PAM: variants seen among roughly 807,000 people sequenced by gnomAD.
The protein encoded by PAM is peptidyl-glycine alpha-amidating monooxygenase.
PAM carries 72 observed loss-of-function variants against 122.1 expected under a neutral mutation model. The ratio of observed to expected loss-of-function variants is 0.59; its 90% CI spans 0.49 to 0.72. The LOEUF (loss-of-function observed/expected upper bound fraction) is 0.72, where lower values mean the gene tolerates loss of function less well. Ranked by LOEUF, PAM falls within the 30% of genes least tolerant of loss-of-function variation. PAM has a pLI of 0.00. For synonymous variants in PAM, 389 were observed against 404.4 expected (o/e 0.96, Z 0.46); for missense variants, 1,106 against 1,183.7 (o/e 0.93, Z 0.96).
intron 14 of PAM, among the ~76,000 whole-genome samples, chr5:102,972,823 G>A (rs1766303110): frequency 6.6e-6 from 1 of 152,048 alleles, no homozygotes; most frequent in Non-Finnish European, 1.5e-5. Flanking sequence ...CCTATTACTT[G>A]GTAATTATTT....
chr5:102,963,295 CAT>C (rs1254616044), intron 14 of PAM, among the ~76,000 whole-genome samples: 1 of 151,940 alleles, frequency 6.6e-6, no homozygotes, highest in South Asian at 2.1e-4. Context: ...CCTTACAACA[CAT>C]AGGGCAAATC....
intron 3 of PAM, among the ~76,000 whole-genome samples, chr5:102,882,053 AT>A (rs1791337556): frequency 3.4e-3 from 3 of 878 alleles, no homozygotes; most frequent in East Asian, 0.015. Flanking sequence ...CCATCGTGGA[AT>A]ATATATATAT....
intron 5 of PAM, among the ~76,000 whole-genome samples, chr5:102,916,078 A>G (rs1278657229): frequency 6.6e-6 from 1 of 152,196 alleles, no homozygotes; most frequent in Non-Finnish European, 1.5e-5. Context: ...AGAAGGAAAG[A>G]GCAGTGAACT....
intron 1 of PAM, among the ~76,000 whole-genome samples, chr5:102,795,574 G>A (rs546593864): frequency 6.6e-6 from 1 of 152,102 alleles, no homozygotes. Context: ...TTTCTTAATG[G>A]CTACCCTTTT....
At chr5:102,883,002 T>C (rs1400130097) in intron 3 of PAM, among the ~76,000 whole-genome samples, 1 of 151,896 alleles carries the variant, frequency 6.6e-6, no homozygotes, top group African/African-American at 2.4e-5. Context: ...TGTTTTTTTT[T>C]GCTTTGTCGA....
At chr5:102,934,390 A>G (rs1032396788) in intron 7 of PAM, among the ~76,000 whole-genome samples, 3 of 152,168 alleles carry the variant, frequency 2.0e-5, no homozygotes, top group Non-Finnish European at 4.4e-5. Flanking sequence ...TTGCGTTTCC[A>G]AGTTCTCAGC....
intron 1 of PAM, among the ~76,000 whole-genome samples, chr5:102,855,926 C>T (rs180738188): frequency 3.3e-5 from 5 of 152,032 alleles, no homozygotes; most frequent in Admixed American, 2.6e-4. Context: ...ACAAAAGAAG[C>T]AGTACAAAGC....
chr5:102,974,461 A>G, intron 15 of PAM, 25 bp downstream of exon 15: 1 of 1,526,246 alleles, frequency 6.6e-7, no homozygotes, highest in Non-Finnish European at 8.9e-7. Flanking sequence ...TCTTTTAAGC[A>G]GTAAAGTGTG....
At chr5:102,970,258 T>C (rs1441908035) in intron 14 of PAM, among the ~76,000 whole-genome samples, 1 of 152,224 alleles carries the variant, frequency 6.6e-6, no homozygotes, top group African/African-American at 2.4e-5. Context: ...ATGTTTTGAA[T>C]ATAAATTAAT....
intron 3 of PAM, among the ~76,000 whole-genome samples, chr5:102,883,346 C>T (rs2151166350): frequency 6.6e-6 from 1 of 152,140 alleles, no homozygotes; most frequent in East Asian, 1.9e-4. Flanking sequence ...CATCCATGAG[C>T]ATGGGCTGTG....
intron 16 of PAM, among the ~76,000 whole-genome samples, chr5:102,992,927 TTAA>T (rs1231596423): frequency 6.6e-6 from 1 of 152,138 alleles, no homozygotes; most frequent in African/African-American, 2.4e-5. Context: ...GTACTTGGAT[TTAA>T]TAATAATTCC....
chr5:102,944,826 C>T (rs762062308), intron 7 of PAM, among the ~76,000 whole-genome samples: 1 of 152,082 alleles, frequency 6.6e-6, no homozygotes, highest in African/African-American at 2.4e-5. Context: ...CTAGTTCAGA[C>T]CCTTCTGAGA....
At chr5:102,961,793 G>A (rs1289109238) in intron 14 of PAM, among the ~76,000 whole-genome samples, 2 of 151,844 alleles carry the variant, frequency 1.3e-5, no homozygotes, top group Non-Finnish European at 2.9e-5. Flanking sequence ...ATTGAAAGTG[G>A]TAATGTTTGA....
chr5:102,912,399 G>A (rs559037178), intron 4 of PAM, among the ~76,000 whole-genome samples: 8 of 151,962 alleles, frequency 5.3e-5, no homozygotes, highest in South Asian at 2.1e-4. Flanking sequence ...ATTAAAAATC[G>A]TATCACATAC....
intron 1 of PAM, among the ~76,000 whole-genome samples, chr5:102,790,870 A>G (rs1252686338): frequency 2.0e-5 from 3 of 152,098 alleles, no homozygotes; most frequent in Non-Finnish European, 4.4e-5. Flanking sequence ...ATATTTTTAA[A>G]TTACCCATTA....
At chr5:102,976,834 G>T (rs2303653) in intron 15 of PAM, among the ~76,000 whole-genome samples, 43,469 of 152,002 alleles carry the variant, frequency 0.29, 6,539 homozygotes, top group East Asian at 0.43. Flanking sequence ...ACTTGGACTT[G>T]ATTATTTCCA....
intron 7 of PAM, among the ~76,000 whole-genome samples, chr5:102,934,987 T>C (rs1302191319): frequency 6.6e-6 from 1 of 152,206 alleles, no homozygotes; most frequent in African/African-American, 2.4e-5. Flanking sequence ...TCTGGATGTA[T>C]CTGCACATTT....
At chr5:103,025,434 G>GT (rs1784690823) in intron 24 of PAM, 100 bp downstream of exon 24, 2 of 907,924 alleles carry the variant, frequency 2.2e-6, no homozygotes, top group African/African-American at 1.7e-5. Flanking sequence ...CACTGTATTT[G>GT]TTTTTTTGTT....
At chr5:103,006,563 A>G (rs1407839296) in intron 18 of PAM, among the ~76,000 whole-genome samples, 3 of 152,192 alleles carry the variant, frequency 2.0e-5, no homozygotes, top group Admixed American at 6.5e-5. Flanking sequence ...TTCACTACTA[A>G]TTAACCGCGT....
Sources: allele counts gnomAD v4.1 joint callset (sites outside exome capture counted in the v4.1 genomes callset), GRCh38; gene constraint gnomAD v4.1.1; transcripts MANE v1.5; gene names NCBI Gene and HGNC (gene_info 2026-07-23, HGNC 2026-07-21).